The following ASAP1 variants were observed in gnomAD, a reference collection of about 807,000 sequenced individuals.
ASAP1 encodes arf-GAP with SH3 domain, ANK repeat and PH domain-containing protein 1.
Under a neutral mutation model 145.2 loss-of-function variants are expected in ASAP1, and 43 were observed. The observed-to-expected ratio is 0.30, with a 90% CI of 0.23 to 0.38. The LOEUF (loss-of-function observed/expected upper bound fraction) is 0.38. Among genes scored for constraint, ASAP1 ranks in the 10% least tolerant of loss-of-function variants. The probability of loss-of-function intolerance (pLI) is 1.00; values close to 1 mark genes in which losing one functional copy is unlikely to be tolerated. For synonymous variants in ASAP1, 546 were observed against 515.5 expected (o/e 1.06, Z -0.80); for missense variants, 1,018 against 1,355.3 (o/e 0.75, Z 3.91).
intron 11 of ASAP1, chr8:130,160,666 C>T: frequency 1.9e-6 from 1 of 514,322 alleles, no homozygotes; most frequent in Non-Finnish European, 3.1e-6. Flanking sequence ...TGACTAGAAA[C>T]AGCCATTACA....
chr8:130,318,811 A>G (rs1235371501), intron 3 of ASAP1, among the ~76,000 whole-genome samples: 1 of 152,142 alleles, frequency 6.6e-6, no homozygotes, highest in East Asian at 1.9e-4. Context: ...GAAATAAGAC[A>G]TTGTCAGTGG....
chr8:130,408,435 T>C (rs376869205), intron 1 of ASAP1, among the ~76,000 whole-genome samples: 3 of 152,256 alleles, frequency 2.0e-5, no homozygotes, highest in South Asian at 2.1e-4. Context: ...ATCTTCTTTT[T>C]TGGACACTGG....
chr8:130,395,276 A>G (rs1828473576), intron 2 of ASAP1, among the ~76,000 whole-genome samples: 2 of 152,226 alleles, frequency 1.3e-5, no homozygotes, highest in Non-Finnish European at 2.9e-5. Flanking sequence ...GCGCTTTCTA[A>G]TATTACATAC....
chr8:130,357,479 ACTC>A (rs1040673886), intron 3 of ASAP1, among the ~76,000 whole-genome samples: 3 of 151,950 alleles, frequency 2.0e-5, no homozygotes, highest in Non-Finnish European at 4.4e-5. Flanking sequence ...AACAGGGAGG[ACTC>A]CTGGAGTGGA....
At chr8:130,121,660 T>C (rs796367113) in intron 18 of ASAP1, among the ~76,000 whole-genome samples, 7 of 151,950 alleles carry the variant, frequency 4.6e-5, no homozygotes, top group African/African-American at 1.2e-4. Flanking sequence ...GGCGCATGCC[T>C]GTAATCCCAG....
chr8:130,119,394 A>G (rs1010365646), intron 18 of ASAP1, among the ~76,000 whole-genome samples: 1 of 152,208 alleles, frequency 6.6e-6, no homozygotes, highest in Non-Finnish European at 1.5e-5. Context: ...GACCACATGG[A>G]TAACATGCCC....
intron 3 of ASAP1, among the ~76,000 whole-genome samples, chr8:130,314,294 G>A (rs745325867): frequency 3.9e-5 from 6 of 152,170 alleles, no homozygotes; most frequent in Non-Finnish European, 7.3e-5. Context: ...ATATTGAAAT[G>A]ATGAGGAGGA....
At chr8:130,301,237 CA>C (rs2137425554) in intron 3 of ASAP1, among the ~76,000 whole-genome samples, 1 of 152,276 alleles carries the variant, frequency 6.6e-6, no homozygotes, top group African/African-American at 2.4e-5. Context: ...CATGTTGTAC[CA>C]ATGCCTGCTC....
At chr8:130,403,397 C>T (rs1336961856) in intron 1 of ASAP1, among the ~76,000 whole-genome samples, 2 of 152,024 alleles carry the variant, frequency 1.3e-5, no homozygotes, top group Non-Finnish European at 2.9e-5. Flanking sequence ...CATCCCTCAA[C>T]TCTCCACCAC....
At chr8:130,406,139 C>A (rs987011698) in intron 1 of ASAP1, among the ~76,000 whole-genome samples, 8 of 152,136 alleles carry the variant, frequency 5.3e-5, no homozygotes, top group Non-Finnish European at 1.0e-4. Context: ...ATTTCAATTA[C>A]CATAATTTTC....
intron 13 of ASAP1, among the ~76,000 whole-genome samples, chr8:130,148,160 C>A (rs1400813287): frequency 3.3e-5 from 5 of 152,138 alleles, no homozygotes; most frequent in African/African-American, 1.2e-4. Flanking sequence ...TAAGCAGTTC[C>A]ACTGCAAAGA....
chr8:130,188,228 C>T (rs1247526021), intron 5 of ASAP1, 45 bp from the exon 6 acceptor site: 1 of 1,468,792 alleles, frequency 6.8e-7, no homozygotes, highest in South Asian at 1.1e-5. Flanking sequence ...AAAATAAAGT[C>T]CACATGAACA....
chr8:130,406,860 AG>A (rs1165437660), intron 1 of ASAP1, among the ~76,000 whole-genome samples: 3 of 152,308 alleles, frequency 2.0e-5, no homozygotes, highest in Non-Finnish European at 4.4e-5. Context: ...AAAAGAAAAT[AG>A]ACCAAACTTA....
intron 1 of ASAP1, among the ~76,000 whole-genome samples, chr8:130,428,069 T>C (rs537327237): frequency 8.8e-4 from 134 of 152,216 alleles, no homozygotes; most frequent in Admixed American, 2.6e-3. Flanking sequence ...CGCCCCACCA[T>C]TGTCTACATG....
intron 8 of ASAP1, among the ~76,000 whole-genome samples, chr8:130,180,160 GA>G (rs1203478663): frequency 1.3e-5 from 2 of 151,714 alleles, no homozygotes; most frequent in African/African-American, 4.8e-5. Context: ...TCTAGGGAAG[GA>G]AAAAAATTTG....
intron 3 of ASAP1, among the ~76,000 whole-genome samples, chr8:130,284,808 T>A (rs1219592365): frequency 6.6e-6 from 1 of 150,954 alleles, no homozygotes; most frequent in Admixed American, 6.6e-5. Context: ...GATCTCCTCA[T>A]GGGGTAGTAA....
At chr8:130,426,451 T>C (rs1829921790) in intron 1 of ASAP1, among the ~76,000 whole-genome samples, 1 of 151,666 alleles carries the variant, frequency 6.6e-6, no homozygotes, top group African/African-American at 2.4e-5. Context: ...ATATCATTCT[T>C]CCACTCACAA....
In ASAP1 at chr8:130,173,570, A is replaced by G. The variant is rs139681445; in HGVS notation, c.747-4503T>C. On this transcript the variant is annotated intron_variant, in intron 9 of 29. Coordinates refer to ENST00000518721, the MANE Select transcript of ASAP1 (RefSeq NM_018482.4). ...TGCTTGAGCCCAGGAGTTTGAGACC[A>G]GCCTGGACAACATGGTGAAGCCCTG... is the stretch of plus-strand genomic sequence containing the variant. Among the ~76,000 whole-genome samples, 91 of 152,228 alleles carry G rather than the reference A, an allele frequency of 6.0e-4. 2 individuals are homozygous for G. The East Asian group carries it at 0.016, about 27-fold the overall frequency.
intron 1 of ASAP1, among the ~76,000 whole-genome samples, chr8:130,419,836 G>A (rs760884557): frequency 1.3e-5 from 2 of 152,040 alleles, no homozygotes; most frequent in African/African-American, 2.4e-5. Flanking sequence ...CACAGCCCTC[G>A]CTGTCTCCGG....
Sources: allele counts gnomAD v4.1 joint callset (sites outside exome capture counted in the v4.1 genomes callset), GRCh38; gene constraint gnomAD v4.1.1; transcripts MANE v1.5; gene names NCBI Gene and HGNC (gene_info 2026-07-23, HGNC 2026-07-21).